The following AK9 variants were observed in gnomAD, a reference collection of about 807,000 sequenced individuals.
The protein encoded by AK9 is adenylate kinase 9.
A neutral mutation model predicts 239.6 loss-of-function variants in AK9; 191 were observed. The ratio of observed to expected loss-of-function variants is 0.80; its 90% CI spans 0.71 to 0.90. AK9 has a LOEUF of 0.90. Ranked by LOEUF, AK9 falls within the 40% of genes least tolerant of loss-of-function variation. AK9 has a pLI of 0.00. For synonymous variants in AK9, 689 were observed against 721.0 expected (o/e 0.96, Z 0.71); for missense variants, 1,995 against 2,214.7 (o/e 0.90, Z 1.99).
intron 25 of AK9, among the ~76,000 whole-genome samples, chr6:109,547,639 G>C (rs951277670): frequency 6.6e-6 from 1 of 152,066 alleles, no homozygotes; most frequent in Non-Finnish European, 1.5e-5. Flanking sequence ...TCTGGGCAAA[G>C]ATTTTTCCAG....
chr6:109,499,056 C>T lies in AK9; in HGVS notation c.5034G>A (p.Gln1678=). The change falls in exon 36 of 41, where the codon CAG becomes CAA. Residue 1678 remains glutamine, a synonymous_variant. Coordinates refer to ENST00000424296, the MANE Select transcript of AK9 (RefSeq NM_001145128.3). The part of the protein sequence containing the change: ...FRGHYYKMSS[Q]EKLNKFLENP... ...GGAACAAACTTACATTCAGTTTTTCCTGAGAACTCATTTTATAGTAGTGCC... is the reference window on the plus strand; with the variant it reads ...GGAACAAACTTACATTCAGTTTTTCTTGAGAACTCATTTTATAGTAGTGCC... 6.6e-7 allele frequency: 1 copy of T among 1,514,100 alleles called. No homozygotes were observed. The highest frequency in any genetic ancestry group is 8.9e-7 in the Non-Finnish European group (1 of 1,127,670). 93.8% of individuals were successfully genotyped at this position (1,514,100 alleles called of 1,614,324 possible). A position where few individuals can be genotyped will look rare whatever the true frequency, so the allele number is the denominator to read the frequency against.
intron 8 of AK9, among the ~76,000 whole-genome samples, chr6:109,653,819 C>T (rs909459097): frequency 6.6e-6 from 1 of 152,088 alleles, no homozygotes; most frequent in Non-Finnish European, 1.5e-5. Flanking sequence ...CAGGCATGAG[C>T]CAGCACACCT....
intron 12 of AK9, among the ~76,000 whole-genome samples, chr6:109,624,394 C>A (rs564581995): frequency 6.6e-6 from 1 of 152,280 alleles, no homozygotes; most frequent in South Asian, 2.1e-4. Context: ...CCTCTAGTAG[C>A]TTCTGACAAA....
intron 27 of AK9, 49 bp downstream of exon 27, chr6:109,541,997 TA>T: frequency 7.1e-7 from 1 of 1,417,708 alleles, no homozygotes; most frequent in Non-Finnish European, 9.5e-7. Flanking sequence ...CTTTTAAGAA[TA>T]AAACAAATAA....
intron 1 of AK9, 33 bp from the exon 2 acceptor site, chr6:109,675,789 T>C: frequency 7.4e-7 from 1 of 1,348,726 alleles, no homozygotes; most frequent in Non-Finnish European, 1.0e-6. Flanking sequence ...TGTTAACTTG[T>C]CTAATTTGGT....
At chr6:109,657,002 G>T in intron 7 of AK9, 118 bp from the exon 8 acceptor site, 2 of 1,151,634 alleles carry the variant, frequency 1.7e-6, no homozygotes, top group Non-Finnish European at 2.5e-6. Context: ...AGGGGGAGGG[G>T]ACGATTAAAG....
rs1330330063 is a variant in AK9 at position 109,545,861 on chromosome 6, T to C, written c.3225+6A>G. ...ACAAACAAAAAACAAAAAAAGAGAT[T>C]ACTACCTGCTTTTTTGTATTTTCTT... On this transcript the variant is annotated splice_donor_region_variant and intron_variant, in intron 26 of 40. Transcript: ENST00000424296. 1.9e-6 allele frequency: 3 copies of C among 1,586,498 alleles called. No homozygotes were observed. The highest frequency in any genetic ancestry group is 1.2e-5 in the South Asian group (1 of 85,378).
At chr6:109,575,971 C>A (rs1490511329) in intron 20 of AK9, among the ~76,000 whole-genome samples, 4 of 152,056 alleles carry the variant, frequency 2.6e-5, no homozygotes, top group Admixed American at 1.3e-4. Context: ...TGTCGAAGAT[C>A]AGTTGGCTGT....
At position 109,573,555 on chromosome 6, in the gene AK9, T is replaced by G; in HGVS notation, c.2231A>C (p.Glu744Ala). Residue 744 changes from glutamate to alanine, a missense_variant, in exon 21 of 41, where the codon GAA becomes GCA. Transcript: ENST00000424296. ...TTCGTGAACTTCCAACTCATCACCTTCAATCTCCTCTTCATCCTCATTATC... is the reference window on the plus strand; with the variant it reads ...TTCGTGAACTTCCAACTCATCACCTGCAATCTCCTCTTCATCCTCATTATC... ...ETDNEDEEEIEGDELEVHEEP... is the reference protein window; with the variant it reads ...ETDNEDEEEIAGDELEVHEEP... 6.4e-7 allele frequency: 1 copy of G among 1,550,936 alleles called. No homozygotes were observed.
intron 1 of AK9, among the ~76,000 whole-genome samples, chr6:109,687,325 T>C (rs2128366641): frequency 1.3e-5 from 2 of 152,328 alleles, no homozygotes; most frequent in Middle Eastern, 3.4e-3. Flanking sequence ...AAACACACCC[T>C]AATCTGACCT....
rs1188226041 is a variant in AK9, at chr6:109,512,721, G to A, written c.4279+1503C>T. On this transcript the variant is annotated intron_variant, in intron 32 of 40. Transcript: ENST00000424296. ...TCTGTTCTCATTGTGACCACCCACT[G>A]TTCTTGTTGTTATCATGTCATCTTG... Among the ~76,000 whole-genome samples, 9 of 144,024 alleles carry A rather than the reference G, an allele frequency of 6.2e-5. No homozygotes were observed. The East Asian group carries it at 1.9e-3, about 31-fold the overall frequency. 94.5% of individuals were successfully genotyped at this position (144,024 alleles called of 152,430 possible).
intron 26 of AK9, among the ~76,000 whole-genome samples, chr6:109,544,722 A>T (rs1262911984): frequency 6.6e-6 from 1 of 152,188 alleles, no homozygotes; most frequent in Non-Finnish European, 1.5e-5. Flanking sequence ...ACCCAATCTC[A>T]GGTATTTCTT....
intron 8 of AK9, among the ~76,000 whole-genome samples, chr6:109,654,341 A>AT (rs935173004): frequency 3.3e-5 from 5 of 151,696 alleles, no homozygotes; most frequent in Non-Finnish European, 7.4e-5. Context: ...TAATATATAT[A>AT]TTTTTTTTCT....
chr6:109,591,012 T>C (rs1474494720), intron 17 of AK9, among the ~76,000 whole-genome samples: 2 of 152,344 alleles, frequency 1.3e-5, no homozygotes, highest in Non-Finnish European at 2.9e-5. Flanking sequence ...GGTAGAATGT[T>C]CTGTAAATGT....
chr6:109,631,151 A>G (rs1446442972), intron 12 of AK9, among the ~76,000 whole-genome samples: 1 of 152,196 alleles, frequency 6.6e-6, no homozygotes, highest in African/African-American at 2.4e-5. Flanking sequence ...CTTAAGTATG[A>G]CATAAAAAGC....
chr6:109,506,631 GTTGT>G lies in AK9; in HGVS notation c.4628+19_4628+22del, dbSNP rs533483240. 357 of 1,530,160 alleles carry G rather than the reference GTTGT, an allele frequency of 2.3e-4. 5 individuals are homozygous for G. In the East Asian group the frequency reaches 8.5e-3, roughly 36 times the overall value. The allele number at this position is 1,530,160 out of a possible 1,614,324, so 94.8% of individuals were successfully genotyped here. A position where few individuals can be genotyped will look rare whatever the true frequency, so the allele number is the denominator to read the frequency against. ...TATGATTAAAGTTTATTCCTTTTTT[GTTGT>G]CTTCATCATGTACATTACCTTTGTT... On this transcript the variant is annotated intron_variant, in intron 34 of 40. Coordinates refer to ENST00000424296, the MANE Select transcript of AK9 (RefSeq NM_001145128.3).
At chr6:109,534,178 C>T (rs1781648380) in intron 27 of AK9, among the ~76,000 whole-genome samples, 1 of 150,514 alleles carries the variant, frequency 6.6e-6, no homozygotes, top group African/African-American at 2.4e-5. Flanking sequence ...GGAAAATATG[C>T]CATTGCACTC....
chr6:109,500,777 G>T (rs2128099616), intron 35 of AK9, among the ~76,000 whole-genome samples: 1 of 152,284 alleles, frequency 6.6e-6, no homozygotes, highest in African/African-American at 2.4e-5. Context: ...CAGCACTTTG[G>T]GAGGCTGAGG....
intron 5 of AK9, among the ~76,000 whole-genome samples, chr6:109,663,009 A>ATATT (rs1444564642): frequency 6.6e-6 from 1 of 152,124 alleles, no homozygotes; most frequent in Admixed American, 6.6e-5. Flanking sequence ...TGGTAAAGGT[A>ATATT]TATTATAGGG....
Sources: allele counts gnomAD v4.1 joint callset (sites outside exome capture counted in the v4.1 genomes callset), GRCh38; gene constraint gnomAD v4.1.1; transcripts MANE v1.5; gene names NCBI Gene and HGNC (gene_info 2026-07-23, HGNC 2026-07-21).